The following SMC4 variants were observed in gnomAD, a reference collection of about 807,000 sequenced individuals.
SMC4 encodes structural maintenance of chromosomes protein 4.
Under a neutral mutation model 145.6 loss-of-function variants are expected in SMC4, and 87 were observed. The ratio of observed to expected loss-of-function variants is 0.60; its 90% CI spans 0.50 to 0.71. The LOEUF is 0.71. SMC4 is among the 30% of genes least tolerant of loss of function. SMC4 has a pLI of 0.00. For missense variants in SMC4, 1,447 were observed against 1,537.1 expected (o/e 0.94, Z 0.98); for synonymous variants, 558 against 500.7 (o/e 1.11, Z -1.53).
intron 19 of SMC4, 105 bp downstream of exon 19, chr3:160,430,848 A>C (rs996799875): frequency 1.2e-4 from 160 of 1,328,306 alleles, no homozygotes; most frequent in Non-Finnish European, 1.5e-4. Context: ...TCATAGACTT[A>C]AAGTTTTATA....
intron 5 of SMC4, among the ~76,000 whole-genome samples, chr3:160,407,525 C>A (rs573603628): frequency 1.3e-5 from 2 of 151,896 alleles, no homozygotes; most frequent in South Asian, 4.2e-4. Flanking sequence ...TGCACTCCAG[C>A]CTGGGTGACA....
chr3:160,417,488 C>A, intron 10 of SMC4: 1 of 494,076 alleles, frequency 2.0e-6, no homozygotes, highest in African/African-American at 2.0e-5. Context: ...TATTCCTCAG[C>A]GTAATGATCG....
Position 160,417,802 on chromosome 3 carries a change from T to A in SMC4, c.1517T>A (p.Leu506His). Reference sequence around the variant, plus strand: ...AAGATGGATGTAGCCCAGTCAGAACTTGATATCTATCTCAGTCGTCATAAT... The same window carrying A: ...AAGATGGATGTAGCCCAGTCAGAACATGATATCTATCTCAGTCGTCATAAT... Reference protein sequence around the residue: ...RSKMDVAQSELDIYLSRHNTA... With the variant: ...RSKMDVAQSEHDIYLSRHNTA... The change falls in exon 11 of 24, where the codon CTT (leucine) becomes CAT (histidine). Residue 506 changes from leucine to histidine, a missense_variant. By Grantham distance (99) the Leu-to-His change is moderately conservative. Transcript: ENST00000357388. 6.2e-7 allele frequency: 1 copy of A among 1,613,712 alleles called. No homozygotes were observed. The highest frequency in any genetic ancestry group is 8.5e-7 in the Non-Finnish European group (1 of 1,179,828).
In SMC4 at chr3:160,427,952, AAC is replaced by A. The variant is rs757783653; in HGVS notation, c.2606-790_2606-789del. On this transcript the variant is annotated intron_variant, in intron 17 of 23. Transcript: ENST00000357388. ...AAATACACACGCACGCACACACACA[AAC>A]ACACACACACGCCGGGTGTGGTGGC... Among the ~76,000 whole-genome samples, 866 of 149,860 alleles carry A rather than the reference AAC, an allele frequency of 5.8e-3. 7 individuals are homozygous for A. The highest frequency in any genetic ancestry group is 0.021 in the African/African-American group (826 of 39,508).
At chr3:160,409,018 GCAC>G (rs1715657630) in intron 5 of SMC4, among the ~76,000 whole-genome samples, 1 of 151,932 alleles carries the variant, frequency 6.6e-6, no homozygotes, top group South Asian at 2.1e-4. Context: ...TGTAATCCCA[GCAC>G]TTTGGGAGGC....
intron 14 of SMC4, 29 bp from the exon 15 acceptor site, chr3:160,423,732 G>A: frequency 1.2e-6 from 2 of 1,606,780 alleles, no homozygotes; most frequent in East Asian, 2.2e-5. Flanking sequence ...GGAGACATCT[G>A]AAGCTGACTT....
chr3:160,401,608 C>G (rs1714666913), intron 2 of SMC4, among the ~76,000 whole-genome samples: 1 of 152,130 alleles, frequency 6.6e-6, no homozygotes, highest in African/African-American at 2.4e-5. Context: ...TTACGGTTTT[C>G]CCAGATTTGC....
intron 9 of SMC4, among the ~76,000 whole-genome samples, chr3:160,415,732 G>A (rs1716511682): frequency 1.3e-5 from 2 of 152,236 alleles, no homozygotes; most frequent in Non-Finnish European, 2.9e-5. Flanking sequence ...AACTGTTACA[G>A]AGTGATTAGC....
chr3:160,416,251 G>T lies in SMC4; in HGVS notation c.1273G>T (p.Val425Phe), dbSNP rs1436275135. ...EKQLQKDKEK[V>F]EEFKSIPAKS... ...CCTATAACTTGTTTTATAATCTCAG[G>T]TTGAAGAATTTAAAAGTATACCTGC... Residue 425 changes from valine (V) to phenylalanine (F), a missense_variant and splice_region_variant, in exon 10 of 24, where the codon GTT (valine) becomes TTT (phenylalanine). Val to Phe is a conservative substitution (Grantham distance 50). Coordinates refer to ENST00000357388, the MANE Select transcript of SMC4 (RefSeq NM_001002800.3). 3 of 1,577,574 alleles carry T rather than the reference G, an allele frequency of 1.9e-6. No individual in the cohort carries two copies. The highest frequency in any genetic ancestry group is 1.4e-5 in the African/African-American group (1 of 72,652).
At chr3:160,431,242 T>C (rs768681479) in intron 20 of SMC4, 37 bp downstream of exon 20, 6 of 1,510,558 alleles carry the variant, frequency 4.0e-6, no homozygotes, top group East Asian at 4.7e-5. Context: ...TTTAAACATA[T>C]TCTTTATGAA....
rs944713134 is a variant in SMC4, at chr3:160,399,727, G to A, written c.-28G>A. The A allele has an allele frequency of 3.3e-5, 5 of 152,624 alleles. No homozygotes were observed. Among genetic ancestry groups the A allele is most frequent in the African/African-American group, 9.7e-5 (4 of 41,442 alleles). The allele number at this position is 152,624 out of a possible 1,614,324, so 9.5% of individuals were successfully genotyped here. On this transcript the variant is annotated 5_prime_UTR_variant, in exon 1 of 24. Coordinates refer to ENST00000357388, the MANE Select transcript of SMC4 (RefSeq NM_001002800.3). ...GTACTACACAACCGTCTCCAGCCTT[G>A]GTCTGAGTGGACTGTCCTGCAGGTA...
chr3:160,408,883 A>G (rs1302287723), intron 5 of SMC4, among the ~76,000 whole-genome samples: 1 of 152,182 alleles, frequency 6.6e-6, no homozygotes, highest in Admixed American at 6.5e-5. Context: ...GTAATACCAC[A>G]GTAGTCTTAA....
chr3:160,417,683 TA>T, intron 10 of SMC4, 39 bp from the exon 11 acceptor site: 1 of 1,461,160 alleles, frequency 6.8e-7, no homozygotes, highest in Non-Finnish European at 9.5e-7. Context: ...GGTTTGAAAG[TA>T]AATATCTGTC....
rs546406045 is a variant in SMC4, at chr3:160,431,706, C to G, written c.3178C>G (p.Pro1060Ala). 1 of 1,613,212 alleles carries G rather than the reference C, an allele frequency of 6.2e-7. No homozygotes were observed. Among genetic ancestry groups the G allele is most frequent in the African/African-American group, 1.3e-5 (1 of 74,904 alleles). Residue 1060 changes from proline to alanine, a missense_variant, in exon 21 of 24, where the codon CCA becomes GCA. Coordinates refer to ENST00000357388, the MANE Select transcript of SMC4 (RefSeq NM_001002800.3). The part of the protein sequence containing the change: ...NPIEEISVLS[P>A]EDLEAIKNPD... Reference sequence around the variant, plus strand: ...TATTGAAGAGATTTCGGTTCTAAGCCCAGAGGATCTTGAAGCGATCAAGAA... The same window carrying G: ...TATTGAAGAGATTTCGGTTCTAAGCGCAGAGGATCTTGAAGCGATCAAGAA...
intron 2 of SMC4, among the ~76,000 whole-genome samples, chr3:160,401,330 CTA>C (rs1235585977): frequency 1.3e-5 from 2 of 152,104 alleles, no homozygotes; most frequent in East Asian, 1.9e-4. Context: ...ATCAATATGA[CTA>C]TGTGAGCATG....
intron 1 of SMC4, 165 bp from the exon 2 acceptor site, chr3:160,400,657 T>C: frequency 1.2e-6 from 1 of 822,358 alleles, no homozygotes; most frequent in Non-Finnish European, 1.7e-6. Context: ...CCTGCCTTCT[T>C]GCCACTCGTG....
chr3:160,428,331 A>C (rs1718020882), intron 17 of SMC4, among the ~76,000 whole-genome samples: 1 of 152,204 alleles, frequency 6.6e-6, no homozygotes, highest in Non-Finnish European at 1.5e-5. Context: ...ACTTTGTTTT[A>C]ATGTGGAGAA....
In SMC4 at chr3:160,430,666, G is replaced by C. The variant is rs1560014976; in HGVS notation, c.2863G>C (p.Val955Leu). The change falls in exon 19 of 24, where the codon GTG becomes CTG. Residue 955 changes from valine to leucine, a missense_variant. Val to Leu is a conservative substitution (Grantham distance 32). Transcript: ENST00000357388. ...EKEIKDTEKEVDDLTAELKSL... is the reference protein window; with the variant it reads ...EKEIKDTEKELDDLTAELKSL... ...AGAAATAAAAGATACTGAGAAAGAG[G>C]TGGATGACCTAACAGCAGAGCTGAA... 1 of 1,613,772 alleles carries C rather than the reference G, an allele frequency of 6.2e-7. No homozygotes were observed. The highest frequency in any genetic ancestry group is 1.3e-5 in the African/African-American group (1 of 75,020).
intron 22 of SMC4, 74 bp downstream of exon 22, chr3:160,432,589 G>T: frequency 1.0e-6 from 1 of 990,132 alleles, no homozygotes. Flanking sequence ...GTATTTCTTG[G>T]AGGTAGGATG....
Sources: gnomAD v4.1 joint callset for allele counts (sites outside exome capture counted in the v4.1 genomes callset) on GRCh38, gnomAD v4.1.1 for gene constraint, MANE v1.5 for transcripts, NCBI Gene and HGNC (gene_info 2026-07-23, HGNC 2026-07-21) for gene names.